SRGAP1: variants seen among roughly 807,000 people sequenced by gnomAD.
SRGAP1 encodes SLIT-ROBO Rho GTPase activating protein 1.
SRGAP1 carries 43 observed loss-of-function variants against 121.9 expected under a neutral mutation model. The ratio of observed to expected loss-of-function variants is 0.35; its 90% CI spans 0.28 to 0.46. The LOEUF is 0.46. Ranked by LOEUF, SRGAP1 falls within the 20% of genes least tolerant of loss-of-function variation. SRGAP1 has a pLI of 1.00. For synonymous variants in SRGAP1, 447 were observed against 485.4 expected (o/e 0.92, Z 1.04); for missense variants, 1,102 against 1,350.9 (o/e 0.82, Z 2.89).
intron 4 of SRGAP1, among the ~76,000 whole-genome samples, chr12:64,034,966 GT>G (rs1198353793): frequency 6.6e-6 from 1 of 151,532 alleles, no homozygotes; most frequent in Non-Finnish European, 1.5e-5. Flanking sequence ...GTTTGTGAAA[GT>G]TTATCATTGT....
In SRGAP1 at chr12:64,120,938, C is replaced by T. The variant is rs563838980; in HGVS notation, c.2225-5039C>T. ...GCTTTTAAATCCAGCATTTTTTGTT[C>T]ATTCTAGCAGGAGGGTAATTAAGGT... On this transcript the variant is annotated intron_variant, in intron 18 of 21. Transcript: ENST00000355086. Among the ~76,000 whole-genome samples the T allele has an allele frequency of 9.3e-5, 14 of 149,780 alleles. 1 individual carries two copies. Among genetic ancestry groups the T allele is most frequent in the Non-Finnish European group, 2.1e-4 (14 of 67,600 alleles).
At position 64,038,734 on chromosome 12, in the gene SRGAP1, A is replaced by C. The variant is rs567436676; in HGVS notation, c.490-4056A>C. 8 of 152,256 alleles carry C rather than the reference A, an allele frequency of 5.3e-5. No individual in the cohort carries two copies. In the East Asian group the frequency reaches 1.5e-3, roughly 29 times the overall value. The allele number at this position is 152,256 out of a possible 1,614,324, so 9.4% of individuals were successfully genotyped here. The stretch of plus-strand genomic sequence containing the variant: ...GACGTGGGTCGTTTTCTACTTGACT[A>C]TTTTTTCAGCAGTTGAGGAAAAATG... On this transcript the variant is annotated intron_variant, in intron 4 of 21. Transcript: ENST00000355086.
intron 3 of SRGAP1, among the ~76,000 whole-genome samples, chr12:64,003,659 A>G (rs1349108898): frequency 6.6e-6 from 1 of 152,194 alleles, no homozygotes; most frequent in East Asian, 1.9e-4. Flanking sequence ...CAACAGAGAG[A>G]AAAAATATTT....
intron 8 of SRGAP1, among the ~76,000 whole-genome samples, chr12:64,072,472 A>C (rs2035659832): frequency 6.6e-6 from 1 of 152,154 alleles, no homozygotes; most frequent in Admixed American, 6.5e-5. Context: ...ATAGGGCTTC[A>C]CAGAAGTAAT....
chr12:63,916,669 C>A (rs2030793231), intron 1 of SRGAP1, among the ~76,000 whole-genome samples: 2 of 152,022 alleles, frequency 1.3e-5, no homozygotes, highest in Non-Finnish European at 2.9e-5. Flanking sequence ...ACATTTGAAT[C>A]AGGAAGAAAT....
intron 3 of SRGAP1, among the ~76,000 whole-genome samples, chr12:64,014,422 A>G (rs1047811546): frequency 6.6e-6 from 1 of 152,322 alleles, no homozygotes; most frequent in Non-Finnish European, 1.5e-5. Flanking sequence ...TTGTCAGCAC[A>G]TGGACACATA....
At chr12:64,093,535 C>G (rs1593120722) in intron 12 of SRGAP1, among the ~76,000 whole-genome samples, 2 of 152,016 alleles carry the variant, frequency 1.3e-5, no homozygotes, top group African/African-American at 4.8e-5. Context: ...AAATATGTTG[C>G]TTTCAGATTA....
chr12:63,868,056 ATTTTTTT>A (rs1219689164), intron 1 of SRGAP1, among the ~76,000 whole-genome samples: 1 of 57,842 alleles, frequency 1.7e-5, no homozygotes, highest in Non-Finnish European at 3.2e-5. Flanking sequence ...ATATATATAT[ATTTTTTT>A]TTTTTTTTTT....
chr12:63,871,055 A>G (rs1899835598), intron 1 of SRGAP1, among the ~76,000 whole-genome samples: 1 of 152,134 alleles, frequency 6.6e-6, no homozygotes, highest in Non-Finnish European at 1.5e-5. Context: ...TGCATTTGTA[A>G]CGAGTTACCA....
At chr12:63,959,871 G>A (rs570618031) in intron 1 of SRGAP1, among the ~76,000 whole-genome samples, 84 of 152,320 alleles carry the variant, frequency 5.5e-4, no homozygotes, top group African/African-American at 1.8e-3. Flanking sequence ...GAACCCAGGT[G>A]TGTGAGATGT....
chr12:64,009,299 C>T (rs1265156895), intron 3 of SRGAP1, among the ~76,000 whole-genome samples: 1 of 151,992 alleles, frequency 6.6e-6, no homozygotes, highest in East Asian at 1.9e-4. Flanking sequence ...ACTGGTTATT[C>T]ATTTAGTGAC....
At chr12:63,940,170 C>T (rs188961956) in intron 1 of SRGAP1, among the ~76,000 whole-genome samples, 4 of 152,020 alleles carry the variant, frequency 2.6e-5, no homozygotes, top group East Asian at 3.9e-4. Flanking sequence ...CCATGTTGGC[C>T]AGGCTGGTCT....
rs887738606 is a variant in SRGAP1, at chr12:63,936,142, T to C, written c.68-47805T>C. Among the ~76,000 whole-genome samples, 6 of 152,238 alleles carry C rather than the reference T, an allele frequency of 3.9e-5. No homozygotes were observed. In the South Asian group the frequency reaches 1.0e-3, roughly 26 times the overall value. ...TTTTTAAAAAGAGACTGCCCAACAG[T>C]GTGCAGGACGTACCAAATGAGAAGT... On this transcript the variant is annotated intron_variant, in intron 1 of 21. Transcript: ENST00000355086.
intron 3 of SRGAP1, among the ~76,000 whole-genome samples, chr12:63,996,991 A>G (rs113502991): frequency 5.8e-4 from 88 of 152,206 alleles, no homozygotes; most frequent in African/African-American, 1.8e-3. Flanking sequence ...CTGAATAGCA[A>G]TTATTGGTGC....
At chr12:64,012,696 G>A (rs1307243461) in intron 3 of SRGAP1, among the ~76,000 whole-genome samples, 1 of 150,838 alleles carries the variant, frequency 6.6e-6, no homozygotes, top group African/African-American at 2.4e-5. Context: ...GACCACAGGT[G>A]TGCACCACCA....
chr12:64,078,854 A>T lies in SRGAP1; in HGVS notation c.1126-65A>T, dbSNP rs1371519566. On this transcript the variant is annotated intron_variant, in intron 8 of 21. Transcript: ENST00000355086. Reference sequence around the variant, plus strand: ...TCCTCATCTCTACCTGACAGAGTGGACTCTCCCTGTTTGTGGGATTCATGA... The same window carrying T: ...TCCTCATCTCTACCTGACAGAGTGGTCTCTCCCTGTTTGTGGGATTCATGA... 7 of 1,516,334 alleles carry T rather than the reference A, an allele frequency of 4.6e-6. No individual in the cohort carries two copies. In the African/African-American group the frequency reaches 9.6e-5, roughly 21 times the overall value. 93.9% of individuals were successfully genotyped at this position (1,516,334 alleles called of 1,614,324 possible). A position where few individuals can be genotyped will look rare whatever the true frequency, so the allele number is the denominator to read the frequency against.
intron 1 of SRGAP1, among the ~76,000 whole-genome samples, chr12:63,925,318 T>G (rs1377607452): frequency 1.3e-5 from 2 of 152,210 alleles, no homozygotes; most frequent in Non-Finnish European, 2.9e-5. Context: ...AATGCTAAGC[T>G]TTTACACTTT....
intron 1 of SRGAP1, among the ~76,000 whole-genome samples, chr12:63,977,924 G>A (rs576705172): frequency 2.4e-4 from 37 of 152,040 alleles, no homozygotes; most frequent in Non-Finnish European, 3.7e-4. Context: ...ACATTTTTCC[G>A]CCTAAAAGTG....
chr12:63,895,753 A>C (rs901919182), intron 1 of SRGAP1, among the ~76,000 whole-genome samples: 1 of 152,238 alleles, frequency 6.6e-6, no homozygotes, highest in Admixed American at 6.5e-5. Flanking sequence ...TGACGTAGAC[A>C]AAGATAGAAG....
Sources: gnomAD v4.1 joint callset for allele counts (sites outside exome capture counted in the v4.1 genomes callset) on GRCh38, gnomAD v4.1.1 for gene constraint, MANE v1.5 for transcripts, NCBI Gene and HGNC (gene_info 2026-07-23, HGNC 2026-07-21) for gene names.